The following ZC3H13 variants were observed in gnomAD, a reference collection of about 807,000 sequenced individuals.
The protein encoded by ZC3H13 is zinc finger CCCH-type containing 13.
Under a neutral mutation model 204.1 loss-of-function variants are expected in ZC3H13, and 64 were observed. The observed-to-expected ratio is 0.31, with a 90% confidence interval of 0.26 to 0.39. ZC3H13 has a LOEUF of 0.39. Among genes scored for constraint, ZC3H13 ranks in the 10% least tolerant of loss-of-function variants. The pLI, the probability that ZC3H13 is intolerant of heterozygous loss-of-function variation, is 1.00. For synonymous variants in ZC3H13, 667 were observed against 693.7 expected (o/e 0.96, Z 0.60); for missense variants, 1,833 against 2,082.7 (o/e 0.88, Z 2.33).
intron 17 of ZC3H13, chr13:45,963,520 C>G: frequency 9.4e-7 from 1 of 1,064,186 alleles, no homozygotes; most frequent in South Asian, 3.0e-5. Flanking sequence ...TTCCTGGGCT[C>G]CAGCAATCCT....
Position 45,967,493 on chromosome 13 carries a change from G to T in ZC3H13, c.4321+11C>A. 1 of 1,533,410 alleles carries T rather than the reference G, an allele frequency of 6.5e-7. No homozygotes were observed. Among genetic ancestry groups the T allele is most frequent in the African/African-American group, 1.4e-5 (1 of 72,110 alleles). 95.0% of individuals were successfully genotyped at this position (1,533,410 alleles called of 1,614,324 possible). On this transcript the variant is annotated intron_variant, in intron 15 of 18. Coordinates refer to ENST00000679008, the MANE Select transcript of ZC3H13 (RefSeq NM_001330564.2). ...TAAAGCAGTATCACAGACAACAGAG[G>T]TAGCACTCACCTTCCAGACTCTCAG...
At position 45,975,541 on chromosome 13, in the gene ZC3H13, C is replaced by T. The variant is rs777837511; in HGVS notation, c.2210G>A (p.Arg737Gln). 1.1e-5 allele frequency: 18 copies of T among 1,595,324 alleles called. No homozygotes were observed. The highest frequency in any genetic ancestry group is 2.2e-5 in the South Asian group (2 of 89,540). ...CCTGTCTCGTTCCCTCTCTCTTTCC[C>T]GCTCTCGATCGTGGTCTCGGTCTCT... Reference protein sequence around the residue: ...RDRDRDHDRERERERERDREK... With the variant: ...RDRDRDHDREQERERERDREK... The change falls in exon 12 of 19, where the codon CGG becomes CAG. Residue 737 changes from arginine (R) to glutamine (Q), a missense_variant. By Grantham distance (43) the Arg-to-Gln change is conservative (BLOSUM62 1). This residue lies in a region of ZC3H13 where 1,574 missense variants were observed against 1,757.2 expected (regional missense o/e 0.90). Transcript: ENST00000679008.
intron 9 of ZC3H13, among the ~76,000 whole-genome samples, chr13:45,988,126 T>A (rs971285056): frequency 1.3e-5 from 2 of 152,180 alleles, no homozygotes; most frequent in Non-Finnish European, 2.9e-5. Flanking sequence ...ATTTGTTGCT[T>A]TTCTTCCCTT....
chr13:45,968,604 GGCA>G, intron 14 of ZC3H13, 141 bp downstream of exon 14: 1 of 995,890 alleles, frequency 1.0e-6, no homozygotes, highest in African/African-American at 1.6e-5. Context: ...ATTTTGATAG[GGCA>G]GCTAAACTTT....
rs181961965 is a variant in ZC3H13, at chr13:46,047,715, T to C, written c.-9-2199A>G. On this transcript the variant is annotated intron_variant, in intron 1 of 18. Coordinates refer to ENST00000679008, the MANE Select transcript of ZC3H13 (RefSeq NM_001330564.2). The stretch of plus-strand genomic sequence containing the variant: ...AGCATGATTCAATAATAAGTAAATG[T>C]ATCACAATGTATAAGAAGTTTGAGA... Among the ~76,000 whole-genome samples, 102 of 152,216 alleles carry C rather than the reference T, an allele frequency of 6.7e-4. 2 individuals are homozygous for C. Among genetic ancestry groups the C allele is most frequent in the Middle Eastern group, 3.4e-3 (1 of 294 alleles).
At chr13:45,968,719 G>C (rs952529511) in intron 14 of ZC3H13, 29 bp downstream of exon 14, 3 of 1,544,344 alleles carry the variant, frequency 1.9e-6, no homozygotes, top group Non-Finnish European at 2.6e-6. Flanking sequence ...CTAGGAAACA[G>C]TGACTAGATC....
At chr13:46,014,928 T>G (rs1189806454) in intron 5 of ZC3H13, among the ~76,000 whole-genome samples, 1 of 152,194 alleles carries the variant, frequency 6.6e-6, no homozygotes, top group East Asian at 1.9e-4. Flanking sequence ...GATCATACTT[T>G]ATCGTAGCTT....
chr13:46,042,329 CTG>C (rs1165901026), intron 3 of ZC3H13, 54 bp from the exon 4 acceptor site: 1 of 1,209,956 alleles, frequency 8.3e-7, no homozygotes, highest in Admixed American at 1.9e-5. Flanking sequence ...CAACAAAAAT[CTG>C]TATTTATATA....
At chr13:46,009,793 AAT>A (rs1360127708) in intron 7 of ZC3H13, among the ~76,000 whole-genome samples, 3 of 152,114 alleles carry the variant, frequency 2.0e-5, no homozygotes, top group Non-Finnish European at 4.4e-5. Flanking sequence ...ATCTCTTGAT[AAT>A]ATATACTGAA....
chr13:46,018,033 G>C (rs1207027249), intron 5 of ZC3H13, among the ~76,000 whole-genome samples: 1 of 152,038 alleles, frequency 6.6e-6, no homozygotes, highest in Non-Finnish European at 1.5e-5. Flanking sequence ...GCAAATCCTT[G>C]GGAATCAACA....
At chr13:46,025,198 T>C (rs562772191) in intron 4 of ZC3H13, among the ~76,000 whole-genome samples, 1 of 152,360 alleles carries the variant, frequency 6.6e-6, no homozygotes, top group East Asian at 1.9e-4. Context: ...ATATTTATTA[T>C]ATTGACATCA....
At chr13:45,972,903 G>A (rs1055466056) in intron 12 of ZC3H13, among the ~76,000 whole-genome samples, 6 of 152,206 alleles carry the variant, frequency 3.9e-5, no homozygotes, top group Non-Finnish European at 7.3e-5. Context: ...GACTACTGAA[G>A]GCCAGGGGGT....
intron 11 of ZC3H13, chr13:45,976,080 TC>T (rs1391159786): frequency 2.5e-6 from 2 of 797,722 alleles, no homozygotes; most frequent in Non-Finnish European, 3.0e-6. Flanking sequence ...TCAACCCCCT[TC>T]CCCCCTCCCA....
At chr13:45,991,621 T>C (rs940174866) in intron 8 of ZC3H13, among the ~76,000 whole-genome samples, 15 of 152,162 alleles carry the variant, frequency 9.9e-5, no homozygotes, top group African/African-American at 3.6e-4. Flanking sequence ...TGCTTTATAA[T>C]TGGCTGGTTT....
intron 1 of ZC3H13, among the ~76,000 whole-genome samples, chr13:46,049,418 ATTC>A (rs1450504855): frequency 6.6e-6 from 1 of 152,206 alleles, no homozygotes. Context: ...AACTGAAAAA[ATTC>A]TTCTGATCAT....
In ZC3H13 at chr13:45,956,460, AC is replaced by A. The variant is rs1951280402; in HGVS notation, c.*666del. The stretch of plus-strand genomic sequence containing the variant: ...AATCTAAAACAAGGAAAGGGAAGAT[AC>A]ATTTATTAAAAATAAAAATAGTACA... On this transcript the variant is annotated 3_prime_UTR_variant, in exon 19 of 19. Coordinates refer to ENST00000679008, the MANE Select transcript of ZC3H13 (RefSeq NM_001330564.2). The A allele has an allele frequency of 6.6e-6, 1 of 152,218 alleles. No homozygotes were observed. The allele number at this position is 152,218 out of a possible 1,614,324, so 9.4% of individuals were successfully genotyped here. A position where few individuals can be genotyped will look rare whatever the true frequency, so the allele number is the denominator to read the frequency against.
At chr13:46,033,864 C>CA (rs58618022) in intron 4 of ZC3H13, among the ~76,000 whole-genome samples, 2,452 of 148,030 alleles carry the variant, frequency 0.017, 21 homozygotes, top group South Asian at 0.056. Flanking sequence ...AAAGACACCA[C>CA]AAAAAAAAAT....
chr13:46,030,870 T>C (rs1045123952), intron 4 of ZC3H13, among the ~76,000 whole-genome samples: 4 of 152,202 alleles, frequency 2.6e-5, no homozygotes, highest in Admixed American at 1.3e-4. Context: ...AGATGTCAGT[T>C]CTTCCCAAAT....
chr13:45,966,564 C>A (rs368866791), intron 15 of ZC3H13, among the ~76,000 whole-genome samples: 4 of 152,018 alleles, frequency 2.6e-5, no homozygotes, highest in Non-Finnish European at 2.9e-5. Context: ...TCATAACCAG[C>A]AAATTATATA....
Sources: gnomAD v4.1 joint callset for allele counts (sites outside exome capture counted in the v4.1 genomes callset) on GRCh38, gnomAD v4.1.1 for gene constraint, gnomAD v4.1.1 regional missense constraint, MANE v1.5 for transcripts, NCBI Gene and HGNC (gene_info 2026-07-23, HGNC 2026-07-21) for gene names.